GPC6: variants seen among roughly 807,000 people sequenced by gnomAD.
GPC6 encodes the protein glypican-6.
Under a neutral mutation model 55.2 loss-of-function variants are expected in GPC6, and 14 were observed. That is an observed-to-expected ratio of 0.25 (90% CI 0.17 to 0.40). The LOEUF (loss-of-function observed/expected upper bound fraction) is 0.40, where lower values mean the gene tolerates loss of function less well. GPC6 is among the 10% of genes least tolerant of loss of function. The pLI is 1.00. For missense variants in GPC6, 641 were observed against 708.5 expected (o/e 0.90, Z 1.08); for synonymous variants, 278 against 259.6 (o/e 1.07, Z -0.68).
intron 1 of GPC6, among the ~76,000 whole-genome samples, chr13:93,423,982 C>G (rs901257668): frequency 6.6e-6 from 1 of 152,040 alleles, no homozygotes; most frequent in Admixed American, 6.6e-5. Flanking sequence ...TGCTCCTACC[C>G]TCCTTTGCAA....
At chr13:94,010,657 A>T (rs1003276856) in intron 3 of GPC6, among the ~76,000 whole-genome samples, 4 of 152,216 alleles carry the variant, frequency 2.6e-5, no homozygotes, top group Non-Finnish European at 5.9e-5. Context: ...TGCACAACAA[A>T]GTTCTTGGGA....
At chr13:93,669,266 G>A (rs1287738780) in intron 2 of GPC6, among the ~76,000 whole-genome samples, 1 of 152,118 alleles carries the variant, frequency 6.6e-6, no homozygotes, top group African/African-American at 2.4e-5. Flanking sequence ...AGTAACCATA[G>A]ATTATGATGT....
intron 3 of GPC6, among the ~76,000 whole-genome samples, chr13:93,990,388 G>A (rs1881242499): frequency 6.6e-6 from 1 of 152,072 alleles, no homozygotes; most frequent in South Asian, 2.1e-4. Flanking sequence ...GCCTGCATGT[G>A]TGTGAATTAG....
chr13:93,699,158 C>A (rs769089099), intron 2 of GPC6, among the ~76,000 whole-genome samples: 2 of 152,056 alleles, frequency 1.3e-5, no homozygotes, highest in Non-Finnish European at 2.9e-5. Context: ...CACATACTTT[C>A]CTATGCATGA....
chr13:93,499,091 T>TCA (rs61370011), intron 1 of GPC6, among the ~76,000 whole-genome samples: 4,510 of 133,664 alleles, frequency 0.034, 178 homozygotes, highest in African/African-American at 0.09. Flanking sequence ...TCCTTAATTG[T>TCA]CACACACACA....
Position 94,405,859 on chromosome 13 carries a change from A to G in GPC6, c.*2642A>G, listed in dbSNP as rs1034076497. On this transcript the variant is annotated 3_prime_UTR_variant, in exon 9 of 9. Transcript: ENST00000377047. Reference sequence around the variant, plus strand: ...ACTTCCTAGTTTTTATCATCATACTACTATGTCATATGATTTTCAGACTAA... The same window carrying G: ...ACTTCCTAGTTTTTATCATCATACTGCTATGTCATATGATTTTCAGACTAA... The G allele has an allele frequency of 4.6e-5, 7 of 152,154 alleles. No homozygotes were observed. Among genetic ancestry groups the G allele is most frequent in the Non-Finnish European group, 7.4e-5 (5 of 68,014 alleles). The allele number at this position is 152,154 out of a possible 1,614,324, so 9.4% of individuals were successfully genotyped here.
intron 1 of GPC6, among the ~76,000 whole-genome samples, chr13:93,462,304 A>G (rs553162542): frequency 2.0e-5 from 3 of 152,282 alleles, no homozygotes; most frequent in South Asian, 2.1e-4. Flanking sequence ...AGCTGCTTCA[A>G]AATGACAGAC....
intron 3 of GPC6, among the ~76,000 whole-genome samples, chr13:93,938,912 G>A (rs529451207): frequency 1.3e-5 from 2 of 152,006 alleles, no homozygotes; most frequent in East Asian, 3.9e-4. Context: ...GACCATCCGG[G>A]CCAACACGGT....
chr13:93,582,609 G>A (rs927759976), intron 2 of GPC6, among the ~76,000 whole-genome samples: 6 of 152,200 alleles, frequency 3.9e-5, no homozygotes, highest in African/African-American at 1.2e-4. Flanking sequence ...TATTTAGCTT[G>A]ATAAGGTACT....
At chr13:93,686,831 A>AT (rs1882068000) in intron 2 of GPC6, among the ~76,000 whole-genome samples, 6 of 152,184 alleles carry the variant, frequency 3.9e-5, no homozygotes, top group Admixed American at 3.3e-4. Context: ...GGTATTCTTC[A>AT]TTTAATGAAG....
chr13:94,135,389 G>A (rs1372276085), intron 4 of GPC6, among the ~76,000 whole-genome samples: 1 of 152,058 alleles, frequency 6.6e-6, no homozygotes, highest in Non-Finnish European at 1.5e-5. Flanking sequence ...ATTGTCCAGG[G>A]CCTTTTGGCT....
At chr13:94,101,975 A>C (rs1249619688) in intron 4 of GPC6, among the ~76,000 whole-genome samples, 2 of 152,176 alleles carry the variant, frequency 1.3e-5, no homozygotes, top group Non-Finnish European at 2.9e-5. Context: ...TGGAATGAGC[A>C]ATTATCAAAT....
At position 94,197,601 on chromosome 13, in the gene GPC6, C is replaced by T. The variant is rs556000215; in HGVS notation, c.878-88748C>T. ...AGCTCTATTGAATTAGGAACCCACCCTTATGATCTCATATAACTTTAATTG... is the reference window on the plus strand; with the variant it reads ...AGCTCTATTGAATTAGGAACCCACCTTTATGATCTCATATAACTTTAATTG... On this transcript the variant is annotated intron_variant, in intron 4 of 8. Coordinates refer to ENST00000377047, the MANE Select transcript of GPC6 (RefSeq NM_005708.5). Among the ~76,000 whole-genome samples, 51 of 152,148 alleles carry T rather than the reference C, an allele frequency of 3.4e-4. 1 individual carries two copies. Among genetic ancestry groups the T allele is most frequent in the Non-Finnish European group, 6.2e-4 (42 of 68,026 alleles).
chr13:94,149,471 T>G (rs561376967), intron 4 of GPC6, among the ~76,000 whole-genome samples: 1 of 152,222 alleles, frequency 6.6e-6, no homozygotes, highest in South Asian at 2.1e-4. Flanking sequence ...GAACATAACT[T>G]AAGTGCGATA....
intron 1 of GPC6, among the ~76,000 whole-genome samples, chr13:93,422,136 A>T (rs1378313263): frequency 6.6e-6 from 1 of 152,130 alleles, no homozygotes; most frequent in Non-Finnish European, 1.5e-5. Context: ...CAATAAATGC[A>T]CATTTGTTGG....
intron 4 of GPC6, among the ~76,000 whole-genome samples, chr13:94,198,138 T>C (rs1008685430): frequency 2.0e-5 from 3 of 152,198 alleles, no homozygotes; most frequent in African/African-American, 7.2e-5. Flanking sequence ...TTAAGTACTT[T>C]TTTTTCTGTT....
At chr13:94,314,083 G>C (rs1876396085) in intron 6 of GPC6, among the ~76,000 whole-genome samples, 1 of 152,152 alleles carries the variant, frequency 6.6e-6, no homozygotes, top group African/African-American at 2.4e-5. Context: ...CATGTTGTTA[G>C]TGCTGGCGTC....
intron 1 of GPC6, among the ~76,000 whole-genome samples, chr13:93,438,951 C>A (rs1471525110): frequency 2.6e-5 from 4 of 152,074 alleles, no homozygotes; most frequent in Non-Finnish European, 4.4e-5. Flanking sequence ...CTTCCCTGAT[C>A]CATCAGCAGT....
intron 3 of GPC6, among the ~76,000 whole-genome samples, chr13:93,973,979 C>T (rs78930479): frequency 0.014 from 2,192 of 152,282 alleles, 21 homozygotes; most frequent in African/African-American, 0.023. Flanking sequence ...ACTTTTTAGG[C>T]GTCTAGGTCA....
Sources: allele counts gnomAD v4.1 joint callset (sites outside exome capture counted in the v4.1 genomes callset), GRCh38; gene constraint gnomAD v4.1.1; transcripts MANE v1.5; gene names NCBI Gene and HGNC (gene_info 2026-07-23, HGNC 2026-07-21).